RHOBTB3: variants seen among roughly 807,000 people sequenced by gnomAD.
RHOBTB3 encodes rho-related BTB domain-containing protein 3.
RHOBTB3 carries 47 observed loss-of-function variants against 67.2 expected under a neutral mutation model. That is an observed-to-expected ratio of 0.70 (90% confidence interval 0.55 to 0.89). RHOBTB3 has a LOEUF of 0.89. Among genes scored for constraint, RHOBTB3 ranks in the 40% least tolerant of loss-of-function variants. RHOBTB3 has a pLI of 0.00. For synonymous variants in RHOBTB3, 273 were observed against 274.2 expected, an observed-to-expected ratio of 1.00 and a Z score of 0.04; for missense variants, 631 against 750.0, an observed-to-expected ratio of 0.84 and a Z score of 1.85.
chr5:95,788,578 C>T (rs1413592984), intron 10 of RHOBTB3, among the ~76,000 whole-genome samples, 184 bp from the exon 11 acceptor site: 2 of 152,158 alleles, frequency 1.3e-5, no homozygotes, highest in East Asian at 1.9e-4. Flanking sequence ...GTACTTTTAA[C>T]GTTATTTGCT....
intron 7 of RHOBTB3, among the ~76,000 whole-genome samples, chr5:95,764,797 A>C (rs989911272): frequency 7.2e-5 from 11 of 152,308 alleles, no homozygotes; most frequent in Admixed American, 7.2e-4. Flanking sequence ...CTTTTAGTGA[A>C]GATTCTTGAT....
At chr5:95,733,987 T>C (rs1021036082) in intron 2 of RHOBTB3, among the ~76,000 whole-genome samples, 1 of 152,172 alleles carries the variant, frequency 6.6e-6, no homozygotes, top group Non-Finnish European at 1.5e-5. Flanking sequence ...ATTTTCCCTA[T>C]CTATAAAATA....
At chr5:95,789,086 C>T (rs1746302399) in intron 11 of RHOBTB3, 1 of 413,314 alleles carries the variant, frequency 2.4e-6, no homozygotes, top group Middle Eastern at 6.1e-4. Context: ...TATTTTATAG[C>T]TCCATCCGTT....
chr5:95,745,696 G>T (rs1325887705), intron 3 of RHOBTB3, among the ~76,000 whole-genome samples: 2 of 151,862 alleles, frequency 1.3e-5, no homozygotes, highest in Non-Finnish European at 2.9e-5. Context: ...GCATATAAGG[G>T]AAAAAAAGAC....
At chr5:95,723,355 T>C (rs1441645231) in intron 1 of RHOBTB3, among the ~76,000 whole-genome samples, 1 of 152,222 alleles carries the variant, frequency 6.6e-6, no homozygotes, top group African/African-American at 2.4e-5. Context: ...CAACTGAGAT[T>C]ACAGCCTTGC....
chr5:95,766,648 G>A (rs543219257), intron 7 of RHOBTB3, among the ~76,000 whole-genome samples: 1 of 151,812 alleles, frequency 6.6e-6, no homozygotes, highest in Non-Finnish European at 1.5e-5. Flanking sequence ...AAAGGGTGGA[G>A]GGTATGGAAA....
intron 6 of RHOBTB3, among the ~76,000 whole-genome samples, chr5:95,756,601 A>G (rs1005621487): frequency 1.3e-5 from 2 of 152,198 alleles, no homozygotes; most frequent in African/African-American, 2.4e-5. Context: ...CACACTAGCT[A>G]TACCACTTTA....
chr5:95,739,632 C>A (rs1054606720), intron 3 of RHOBTB3, among the ~76,000 whole-genome samples: 1 of 152,138 alleles, frequency 6.6e-6, no homozygotes, highest in Admixed American at 6.5e-5. Flanking sequence ...CTCACTGCAA[C>A]CTGGACCTCC....
intron 8 of RHOBTB3, among the ~76,000 whole-genome samples, chr5:95,774,032 T>C (rs1269270873): frequency 6.6e-6 from 1 of 152,232 alleles, no homozygotes; most frequent in Admixed American, 6.5e-5. Context: ...TTTCTGATTA[T>C]GAAAGTCATA....
At chr5:95,721,774 G>GA (rs1754889751) in intron 1 of RHOBTB3, among the ~76,000 whole-genome samples, 5 of 151,000 alleles carry the variant, frequency 3.3e-5, no homozygotes, top group Admixed American at 3.3e-4. Context: ...TAATCAGCAG[G>GA]AAAAAAACAG....
At chr5:95,776,213 C>A (rs1322067425) in intron 8 of RHOBTB3, among the ~76,000 whole-genome samples, 4 of 152,066 alleles carry the variant, frequency 2.6e-5, no homozygotes, top group Non-Finnish European at 1.5e-5. Context: ...TCCAGACCAG[C>A]CTGGCCAACA....
At chr5:95,771,959 T>A (rs369946330) in intron 8 of RHOBTB3, among the ~76,000 whole-genome samples, 7 of 151,412 alleles carry the variant, frequency 4.6e-5, no homozygotes, top group East Asian at 1.9e-4. Flanking sequence ...AATTAGCTTT[T>A]AAAAAAAAAG....
At chr5:95,746,924 C>T (rs770857255) in intron 3 of RHOBTB3, among the ~76,000 whole-genome samples, 2 of 152,136 alleles carry the variant, frequency 1.3e-5, no homozygotes, top group East Asian at 1.9e-4. Context: ...ATATATTTAG[C>T]GTATACCCGA....
chr5:95,734,444 T>G (rs928810711), intron 2 of RHOBTB3, among the ~76,000 whole-genome samples: 3 of 152,214 alleles, frequency 2.0e-5, no homozygotes, highest in African/African-American at 7.2e-5. Context: ...TATTTTCTCT[T>G]TGGCATAGTT....
At chr5:95,727,028 A>T (rs1487791256), upstream of RHOBTB3, among the ~76,000 whole-genome samples, 3 of 151,990 alleles carry the variant, frequency 2.0e-5, no homozygotes, top group East Asian at 1.9e-4. Context: ...TTCAGGGATC[A>T]TCTTCTGTAC....
In RHOBTB3 at chr5:95,731,695, G is replaced by A; in HGVS notation, c.2+11G>A. 1 of 1,613,182 alleles carries A rather than the reference G, an allele frequency of 6.2e-7. No individual in the cohort carries two copies. Among genetic ancestry groups the A allele is most frequent in the South Asian group, 1.1e-5 (1 of 90,970 alleles). Reference sequence around the variant, plus strand: ...TGGATTTGAGATCATGTACGTACGCGCCGCCGTCCTGCCATTGTCTCTCTC... The same window carrying A: ...TGGATTTGAGATCATGTACGTACGCACCGCCGTCCTGCCATTGTCTCTCTC... On this transcript the variant is annotated intron_variant, in intron 1 of 11. Coordinates refer to ENST00000379982, the MANE Select transcript of RHOBTB3 (RefSeq NM_014899.4).
intron 7 of RHOBTB3, among the ~76,000 whole-genome samples, chr5:95,766,708 G>A (rs942597137): frequency 6.6e-6 from 1 of 152,134 alleles, no homozygotes; most frequent in African/African-American, 2.4e-5. Flanking sequence ...GGGGATACCT[G>A]AAGACCACAG....
At position 95,788,853 on chromosome 5, in the gene RHOBTB3, T is replaced by C; in HGVS notation, c.1715T>C (p.Leu572Pro). 6.5e-7 allele frequency: 1 copy of C among 1,533,772 alleles called. No individual in the cohort carries two copies. Among genetic ancestry groups the C allele is most frequent in the South Asian group, 1.3e-5 (1 of 77,600 alleles). The change falls in exon 11 of 12, where the codon CTT (leucine) becomes CCT (proline). Residue 572 changes from leucine to proline, a missense_variant. Transcript: ENST00000379982. ...AGTCAAAAGCCTGAATTTCAGGATC[T>C]TTCAGGTAGATTGCTAATTTCTGTT... ...IFSQKPEFQD[L>P]SVEERSFVEK...
intron 5 of RHOBTB3, among the ~76,000 whole-genome samples, chr5:95,753,828 G>T (rs1745164177): frequency 6.6e-6 from 1 of 152,132 alleles, no homozygotes; most frequent in African/African-American, 2.4e-5. Flanking sequence ...AAATATCTTG[G>T]CCCAGGTATG....
Sources: allele counts gnomAD v4.1 joint callset (sites outside exome capture counted in the v4.1 genomes callset), GRCh38; gene constraint gnomAD v4.1.1; transcripts MANE v1.5; gene names NCBI Gene and HGNC (gene_info 2026-07-23, HGNC 2026-07-21).